The following SETBP1 variants were observed in gnomAD, a reference collection of about 807,000 sequenced individuals.
SETBP1 encodes SET-binding protein.
In SETBP1, 9 loss-of-function variants were observed where a neutral mutation model predicts 101.0. The ratio of observed to expected loss-of-function variants is 0.09; its 90% CI spans 0.05 to 0.16. The LOEUF (loss-of-function observed/expected upper bound fraction) is 0.16. SETBP1 is among the 10% of genes least tolerant of loss of function. SETBP1 has a pLI of 1.00. For missense variants in SETBP1, 1,858 were observed against 2,033.8 expected, an observed-to-expected ratio of 0.91 and a Z score of 1.66; for synonymous variants, 818 against 788.5, an observed-to-expected ratio of 1.04 and a Z score of -0.63.
intron 3 of SETBP1, among the ~76,000 whole-genome samples, chr18:44,940,127 T>C (rs2071053832): frequency 6.6e-6 from 1 of 152,224 alleles, no homozygotes; most frequent in Admixed American, 6.5e-5. Context: ...GAAATGTCCA[T>C]AATTATCTCT....
intron 5 of SETBP1, among the ~76,000 whole-genome samples, chr18:45,042,191 T>G (rs1257743074): frequency 2.1e-5 from 3 of 141,974 alleles, no homozygotes; most frequent in African/African-American, 7.9e-5. Context: ...GCTCTGTCAC[T>G]GAGGCTGGAA....
intron 3 of SETBP1, among the ~76,000 whole-genome samples, chr18:44,923,837 T>C (rs547264738): frequency 1.3e-5 from 2 of 152,308 alleles, no homozygotes; most frequent in African/African-American, 4.8e-5. Flanking sequence ...ATATTCCTCC[T>C]GACAGTGCCC....
intron 4 of SETBP1, among the ~76,000 whole-genome samples, chr18:44,959,513 C>A (rs1477460104): frequency 6.6e-6 from 1 of 152,094 alleles, no homozygotes; most frequent in Non-Finnish European, 1.5e-5. Context: ...AGAAAGAAAT[C>A]AAAGATGAGT....
intron 2 of SETBP1, among the ~76,000 whole-genome samples, chr18:44,867,182 A>G (rs765229741): frequency 3.9e-5 from 6 of 152,260 alleles, no homozygotes; most frequent in Non-Finnish European, 7.3e-5. Context: ...AATATTAAAA[A>G]TGAAAAATTA....
At chr18:44,725,776 T>A (rs1264324801) in intron 2 of SETBP1, among the ~76,000 whole-genome samples, 1 of 152,096 alleles carries the variant, frequency 6.6e-6, no homozygotes, top group Non-Finnish European at 1.5e-5. Flanking sequence ...TTCCAGGAAG[T>A]GATGACTCAG....
Position 44,950,942 on chromosome 18 carries a change from C to T in SETBP1, c.1602C>T (p.Cys534=). The change falls in exon 4 of 6, where the codon TGC becomes TGT. Residue 534 remains cysteine, a synonymous_variant. Transcript: ENST00000649279. The stretch of plus-strand genomic sequence containing the variant: ...TTGCTGCAAAACGAAGGTGGACTTG[C>T]AGCAAACCAAAACCTAGCACCATGC... ...PKFAAKRRWT[C]SKPKPSTMLR... is the part of the protein sequence containing the mutation. The T allele has an allele frequency of 6.2e-7, 1 of 1,614,140 alleles. No homozygotes were observed.
At chr18:44,921,977 C>T (rs184606771) in intron 3 of SETBP1, among the ~76,000 whole-genome samples, 94 of 152,132 alleles carry the variant, frequency 6.2e-4, no homozygotes, top group African/African-American at 1.7e-3. Flanking sequence ...TATTTCCAGA[C>T]GTCAGATTAG....
At chr18:45,038,458 G>A (rs2073443029) in intron 4 of SETBP1, 27 bp from the exon 5 acceptor site, 1 of 1,612,312 alleles carries the variant, frequency 6.2e-7, no homozygotes, top group African/African-American at 1.3e-5. Flanking sequence ...TAAAGTGACT[G>A]AAAGCTTTGG....
At chr18:44,840,836 C>T (rs1599204596) in intron 2 of SETBP1, among the ~76,000 whole-genome samples, 1 of 152,324 alleles carries the variant, frequency 6.6e-6, no homozygotes, top group African/African-American at 2.4e-5. Flanking sequence ...GCTGGGGCCT[C>T]CCCATGCCCA....
intron 2 of SETBP1, among the ~76,000 whole-genome samples, chr18:44,706,783 G>A (rs1010508698): frequency 2.0e-5 from 3 of 151,944 alleles, no homozygotes; most frequent in Non-Finnish European, 1.5e-5. Flanking sequence ...AGTGACTCAG[G>A]GTAGGAGATG....
intron 3 of SETBP1, among the ~76,000 whole-genome samples, chr18:44,890,735 C>T (rs2069749440): frequency 6.6e-6 from 1 of 152,026 alleles, no homozygotes. Context: ...ATGATTTTTG[C>T]ATTTTATTTT....
At chr18:44,863,912 A>G (rs1254338834) in intron 2 of SETBP1, among the ~76,000 whole-genome samples, 1 of 151,962 alleles carries the variant, frequency 6.6e-6, no homozygotes, top group Non-Finnish European at 1.5e-5. Flanking sequence ...GCTGCATAAG[A>G]TCCTTCTGGC....
chr18:44,994,979 G>T (rs942554143), intron 4 of SETBP1, among the ~76,000 whole-genome samples: 1 of 151,934 alleles, frequency 6.6e-6, no homozygotes, highest in Admixed American at 6.6e-5. Context: ...CCCAGGTGTG[G>T]GAATTCACCT....
At chr18:44,881,345 G>A (rs2144737989) in intron 3 of SETBP1, among the ~76,000 whole-genome samples, 1 of 152,262 alleles carries the variant, frequency 6.6e-6, no homozygotes, top group East Asian at 1.9e-4. Context: ...AGGCAGGGGT[G>A]GGTAAGAGGA....
intron 4 of SETBP1, chr18:44,987,901 G>A (rs1323423886): frequency 6.6e-6 from 1 of 152,138 alleles, no homozygotes; most frequent in Non-Finnish European, 1.5e-5. Context: ...TATAGATACA[G>A]CTATATATAC....
rs1232472427 is a variant in SETBP1 at position 44,732,187 on chromosome 18, C to T, written c.486+30355C>T. Among the ~76,000 whole-genome samples, 7 of 152,132 alleles carry T rather than the reference C, an allele frequency of 4.6e-5. No individual in the cohort carries two copies. In the South Asian group the frequency reaches 1.2e-3, roughly 27 times the overall value. On this transcript the variant is annotated intron_variant, in intron 2 of 5. Coordinates refer to ENST00000649279, the MANE Select transcript of SETBP1 (RefSeq NM_015559.3). Reference sequence around the variant, plus strand: ...GAAAGTTGATTACCACTCAGATAGACGATCACATACCCTCGTTATGAGTCC... The same window carrying T: ...GAAAGTTGATTACCACTCAGATAGATGATCACATACCCTCGTTATGAGTCC...
At chr18:44,934,632 T>G (rs1407518720) in intron 3 of SETBP1, among the ~76,000 whole-genome samples, 1 of 152,230 alleles carries the variant, frequency 6.6e-6, no homozygotes, top group East Asian at 1.9e-4. Flanking sequence ...CTGGTCAAAG[T>G]GCTTTACATA....
At chr18:44,729,858 G>T (rs771490246) in intron 2 of SETBP1, among the ~76,000 whole-genome samples, 4 of 152,190 alleles carry the variant, frequency 2.6e-5, no homozygotes, top group Non-Finnish European at 5.9e-5. Flanking sequence ...AGGAGGTCCC[G>T]GGGAGGCTGT....
chr18:44,685,717 G>T (rs182689461), intron 1 of SETBP1, among the ~76,000 whole-genome samples: 1 of 152,288 alleles, frequency 6.6e-6, no homozygotes, highest in African/African-American at 2.4e-5. Flanking sequence ...TTTCCATGCT[G>T]CCTCCTGGAA....
Sources: allele counts gnomAD v4.1 joint callset (sites outside exome capture counted in the v4.1 genomes callset), GRCh38; gene constraint gnomAD v4.1.1; transcripts MANE v1.5; gene names NCBI Gene and HGNC (gene_info 2026-07-23, HGNC 2026-07-21).